Variants in ZDHHC20 observed in about 807,000 individuals in gnomAD.
The protein encoded by ZDHHC20 is palmitoyltransferase ZDHHC20.
ZDHHC20 carries 43 observed loss-of-function variants against 57.8 expected under a neutral mutation model. The ratio of observed to expected loss-of-function variants is 0.74; its 90% CI spans 0.58 to 0.96. The LOEUF (loss-of-function observed/expected upper bound fraction) is 0.96, where lower values mean the gene tolerates loss of function less well. Among genes scored for constraint, ZDHHC20 ranks in the 40% least tolerant of loss-of-function variants. The pLI, the probability that ZDHHC20 is intolerant of heterozygous loss-of-function variation, is 0.00. For missense variants in ZDHHC20, 391 were observed against 441.1 expected, an observed-to-expected ratio of 0.89 and a Z score of 1.02; for synonymous variants, 157 against 153.0, an observed-to-expected ratio of 1.03 and a Z score of -0.19.
chr13:21,403,006 T>C, intron 4 of ZDHHC20, 140 bp from the exon 5 acceptor site: 3 of 630,324 alleles, frequency 4.8e-6, no homozygotes, highest in Non-Finnish European at 8.4e-6. Flanking sequence ...AATACCAAAA[T>C]GTATTATACT....
At chr13:21,394,050 C>G (rs1876324763) in intron 7 of ZDHHC20, among the ~76,000 whole-genome samples, 8 of 152,222 alleles carry the variant, frequency 5.3e-5, no homozygotes, top group Admixed American at 5.2e-4. Flanking sequence ...TGCCCTCTCC[C>G]ATCTATTCTC....
rs1392564872 is a variant in ZDHHC20 at position 21,373,855 on chromosome 13, T to C, written c.*2841A>G. 6.6e-6 allele frequency: 1 copy of C among 152,268 alleles called. No individual in the cohort carries two copies. The highest frequency in any genetic ancestry group is 2.1e-4 in the South Asian group (1 of 4,832). 9.4% of individuals were successfully genotyped at this position (152,268 alleles called of 1,614,324 possible). On this transcript the variant is annotated 3_prime_UTR_variant, in exon 13 of 13. Coordinates refer to ENST00000400590, the MANE Select transcript of ZDHHC20 (RefSeq NM_001330059.2). Reference sequence around the variant, plus strand: ...AGGCCTTTGCTAGAATGGTCATTAATACGTATGAATCAGTTGAGCTAAATA... The same window carrying C: ...AGGCCTTTGCTAGAATGGTCATTAACACGTATGAATCAGTTGAGCTAAATA...
intron 7 of ZDHHC20, among the ~76,000 whole-genome samples, chr13:21,398,814 C>G (rs1465243246): frequency 6.6e-6 from 1 of 152,084 alleles, no homozygotes; most frequent in East Asian, 1.9e-4. Flanking sequence ...CAATAAATAG[C>G]AACTGGAAAC....
chr13:21,432,980 A>T lies in ZDHHC20; in HGVS notation c.119-7302T>A, dbSNP rs369083048. Among the ~76,000 whole-genome samples, 7 of 152,234 alleles carry T rather than the reference A, an allele frequency of 4.6e-5. No individual in the cohort carries two copies. The East Asian group carries it at 1.3e-3, about 29-fold the overall frequency. On this transcript the variant is annotated intron_variant, in intron 1 of 12. Coordinates refer to ENST00000400590, the MANE Select transcript of ZDHHC20 (RefSeq NM_001330059.2). The stretch of plus-strand genomic sequence containing the variant: ...GAACTCTATTTTGTTCCACTGGTCT[A>T]TATGTCCATTCTTACTCAGATACTA...
At chr13:21,430,482 C>G (rs1198431895) in intron 1 of ZDHHC20, among the ~76,000 whole-genome samples, 2 of 151,820 alleles carry the variant, frequency 1.3e-5, no homozygotes, top group Admixed American at 6.6e-5. Context: ...TGATACTATC[C>G]CAGCAGGAAT....
chr13:21,412,390 G>A (rs1011524734), intron 4 of ZDHHC20, among the ~76,000 whole-genome samples: 1 of 152,122 alleles, frequency 6.6e-6, no homozygotes, highest in Non-Finnish European at 1.5e-5. Context: ...AAAAGTAACA[G>A]GTGAAAGGAC....
Position 21,382,980 on chromosome 13 carries a change from C to T in ZDHHC20, c.884G>A (p.Arg295His), listed in dbSNP as rs773810335. Reference sequence around the variant, plus strand: ...TTGTTCTGGATCCATCCCCACAAGGCGAGTTGGAAAACTGCAACCATCACC... The same window carrying T: ...TTGTTCTGGATCCATCCCCACAAGGTGAGTTGGAAAACTGCAACCATCACC... ...SLGDGCSFPTRLVGMDPEQAS... is the reference protein window; with the variant it reads ...SLGDGCSFPTHLVGMDPEQAS... Residue 295 changes from arginine to histidine, a missense_variant, in exon 10 of 13, where the codon CGC (arginine) becomes CAC (histidine). By Grantham distance (29) the Arg-to-His change is conservative. This residue lies in a region of ZDHHC20 where 197 missense variants were observed against 220.8 expected (regional missense o/e 0.89). Transcript: ENST00000400590. The T allele has an allele frequency of 8.3e-6, 13 of 1,562,568 alleles. No individual in the cohort carries two copies. Among genetic ancestry groups the T allele is most frequent in the Middle Eastern group, 1.7e-4 (1 of 6,022 alleles).
At chr13:21,433,438 A>G (rs1362968430) in intron 1 of ZDHHC20, among the ~76,000 whole-genome samples, 2 of 152,152 alleles carry the variant, frequency 1.3e-5, no homozygotes, top group African/African-American at 4.8e-5. Flanking sequence ...TAACACAGTA[A>G]AACTCCATCT....
chr13:21,374,225 G>GAT lies in ZDHHC20; in HGVS notation c.*2469_*2470dup, dbSNP rs753027459. 5.7e-4 allele frequency: 118 copies of GAT among 207,794 alleles called. No individual in the cohort carries two copies. The highest frequency in any genetic ancestry group is 1.6e-3 in the East Asian group (16 of 9,846). The allele number at this position is 207,794 out of a possible 1,614,324, so 12.9% of individuals were successfully genotyped here. The stretch of plus-strand genomic sequence containing the variant: ...GGAGTTATGTTTTTAGTTGGTAATT[G>GAT]ATATATATATATATTTTTGAGATGG... On this transcript the variant is annotated 3_prime_UTR_variant, in exon 13 of 13. Coordinates refer to ENST00000400590, the MANE Select transcript of ZDHHC20 (RefSeq NM_001330059.2).
chr13:21,440,536 G>A (rs946115355), intron 1 of ZDHHC20, among the ~76,000 whole-genome samples: 22 of 151,890 alleles, frequency 1.4e-4, no homozygotes, highest in African/African-American at 5.1e-4. Context: ...ACTTCAATCC[G>A]GGAGGCTGAG....
At chr13:21,432,054 G>C (rs1180432840) in intron 1 of ZDHHC20, among the ~76,000 whole-genome samples, 1 of 151,852 alleles carries the variant, frequency 6.6e-6, no homozygotes, top group Non-Finnish European at 1.5e-5. Context: ...TTTTCTTCTG[G>C]AAGTTTTATA....
intron 7 of ZDHHC20, among the ~76,000 whole-genome samples, chr13:21,395,013 G>T (rs1429219615): frequency 6.6e-6 from 1 of 151,428 alleles, no homozygotes; most frequent in Non-Finnish European, 1.5e-5. Context: ...TGAGTAGCAA[G>T]TTATAGTGGA....
At chr13:21,399,289 A>G (rs1237759630) in intron 7 of ZDHHC20, among the ~76,000 whole-genome samples, 1 of 151,998 alleles carries the variant, frequency 6.6e-6, no homozygotes, top group African/African-American at 2.4e-5. Context: ...AGGTTATAGT[A>G]AGATGAGATC....
At chr13:21,428,715 C>G (rs971933526) in intron 1 of ZDHHC20, among the ~76,000 whole-genome samples, 8 of 151,628 alleles carry the variant, frequency 5.3e-5, no homozygotes, top group Non-Finnish European at 8.8e-5. Flanking sequence ...AAAAAATTAG[C>G]TGGGCATGGT....
At chr13:21,424,547 A>T (rs1170377220) in intron 2 of ZDHHC20, among the ~76,000 whole-genome samples, 1 of 151,966 alleles carries the variant, frequency 6.6e-6, no homozygotes, top group Non-Finnish European at 1.5e-5. Flanking sequence ...GTCTCTACTA[A>T]AAAAATACAA....
Position 21,376,673 on chromosome 13 carries a change from A to C in ZDHHC20, c.*41-18T>G. On this transcript the variant is annotated intron_variant, in intron 12 of 12. Transcript: ENST00000400590. ...TCATACACCTACAAAAAAAGAAACA[A>C]ATTATTGGTTAAAACTTGATTTTTT... The C allele has an allele frequency of 7.2e-7, 1 of 1,396,468 alleles. No homozygotes were observed. Among genetic ancestry groups the C allele is most frequent in the Non-Finnish European group, 9.7e-7 (1 of 1,034,924 alleles). 86.5% of individuals were successfully genotyped at this position (1,396,468 alleles called of 1,614,324 possible). A position where few individuals can be genotyped will look rare whatever the true frequency, so the allele number is the denominator to read the frequency against.
intron 12 of ZDHHC20, chr13:21,377,813 C>G (rs1014469065): frequency 6.5e-6 from 1 of 153,006 alleles, no homozygotes; most frequent in Non-Finnish European, 1.5e-5. Flanking sequence ...CTAGCTGACA[C>G]TAAAGATAAG....
chr13:21,387,362 T>C lies in ZDHHC20; in HGVS notation c.854+146A>G, dbSNP rs1874728913. 1.3e-5 allele frequency: 7 copies of C among 537,966 alleles called. No individual in the cohort carries two copies. In the East Asian group the frequency reaches 3.0e-4, roughly 23 times the overall value. The allele number at this position is 537,966 out of a possible 1,614,324, so 33.3% of individuals were successfully genotyped here. On this transcript the variant is annotated intron_variant, in intron 9 of 12. Coordinates refer to ENST00000400590, the MANE Select transcript of ZDHHC20 (RefSeq NM_001330059.2). ...AAAATGAAAAATAAAATATTTTATG[T>C]ATAAAAAAAGATATTTTGAGTTTTC... is the stretch of plus-strand genomic sequence containing the variant.
chr13:21,393,255 T>G (rs1291341487), intron 7 of ZDHHC20, among the ~76,000 whole-genome samples: 2 of 151,558 alleles, frequency 1.3e-5, no homozygotes, highest in Non-Finnish European at 2.9e-5. Context: ...GTAATCCCAG[T>G]ACTTTGGGAG....
Sources: gnomAD v4.1 joint callset for allele counts (sites outside exome capture counted in the v4.1 genomes callset) on GRCh38, gnomAD v4.1.1 for gene constraint, gnomAD v4.1.1 regional missense constraint, MANE v1.5 for transcripts, NCBI Gene and HGNC (gene_info 2026-07-23, HGNC 2026-07-21) for gene names.